The following GSTA3 variants were observed in gnomAD, a reference collection of about 807,000 sequenced individuals.
GSTA3 encodes the protein glutathione S-transferase A3.
A neutral mutation model predicts 23.1 loss-of-function variants in GSTA3; 16 were observed. That is an observed-to-expected ratio of 0.69 (90% confidence interval 0.47 to 1.05). GSTA3 has a LOEUF of 1.05. Among genes scored for constraint, GSTA3 ranks in the 50% least tolerant of loss-of-function variants. GSTA3 has a pLI of 0.00. For synonymous variants in GSTA3, 122 were observed against 91.0 expected (o/e 1.34, Z -1.94); for missense variants, 319 against 263.6 (o/e 1.21, Z -1.46).
intron 1 of GSTA3, among the ~76,000 whole-genome samples, chr6:52,906,144 T>C (rs1451484754): frequency 1.3e-5 from 2 of 152,224 alleles, no homozygotes; most frequent in African/African-American, 4.8e-5. Context: ...TCCAACCTAG[T>C]TGGTGACTTC....
chr6:52,903,666 T>A lies in GSTA3; in HGVS notation c.139+10A>T, dbSNP rs748740435. 2 of 1,489,606 alleles carry A rather than the reference T, an allele frequency of 1.3e-6. No individual in the cohort carries two copies. Among genetic ancestry groups the A allele is most frequent in the East Asian group, 2.3e-5 (1 of 44,194 alleles). 92.3% of individuals were successfully genotyped at this position (1,489,606 alleles called of 1,614,324 possible). A position where few individuals can be genotyped will look rare whatever the true frequency, so the allele number is the denominator to read the frequency against. On this transcript the variant is annotated intron_variant, in intron 3 of 6. Coordinates refer to ENST00000211122, the MANE Select transcript of GSTA3 (RefSeq NM_000847.5). The stretch of plus-strand genomic sequence containing the variant: ...ACCCTCATCAGAGGCACTTAGAGAC[T>A]TGATCTTACCATTTCTTAACTTTCC...
chr6:52,897,693 T>G, intron 6 of GSTA3, 132 bp downstream of exon 6: 1 of 975,694 alleles, frequency 1.0e-6, no homozygotes, highest in East Asian at 2.4e-5. Flanking sequence ...TGGAAGCTCA[T>G]TTTGGAGACC....
chr6:52,907,930 G>T (rs2608613), intron 1 of GSTA3, among the ~76,000 whole-genome samples: 27,915 of 150,918 alleles, frequency 0.18, 4,857 homozygotes, highest in African/African-American at 0.41. Context: ...CATATGTAAC[G>T]AACCTGCACA....
At chr6:52,903,781 G>T in intron 2 of GSTA3, 54 bp from the exon 3 acceptor site, 1 of 1,055,728 alleles carries the variant, frequency 9.5e-7, no homozygotes, top group Non-Finnish European at 1.5e-6. Flanking sequence ...TAGCATTACA[G>T]ACTTGTGACC....
intron 1 of GSTA3, among the ~76,000 whole-genome samples, chr6:52,909,108 A>T (rs569243638): frequency 4.4e-4 from 67 of 152,336 alleles, no homozygotes; most frequent in Non-Finnish European, 8.2e-4. Flanking sequence ...CAATGATGGA[A>T]GTGTAAATTT....
At chr6:52,898,394 A>G (rs554473069) in intron 5 of GSTA3, among the ~76,000 whole-genome samples, 4 of 152,222 alleles carry the variant, frequency 2.6e-5, no homozygotes, top group Admixed American at 2.6e-4. Context: ...GGAGTAGACT[A>G]TTTCAGAGTC....
chr6:52,909,079 A>G (rs1765985485), intron 1 of GSTA3, among the ~76,000 whole-genome samples: 1 of 152,226 alleles, frequency 6.6e-6, no homozygotes, highest in Non-Finnish European at 1.5e-5. Flanking sequence ...TATAAGCAGT[A>G]AACTAATCTG....
At position 52,899,917 on chromosome 6, in the gene GSTA3, T is replaced by C. The variant is rs746959068; in HGVS notation, c.414+17A>G. 20 of 1,613,856 alleles carry C rather than the reference T, an allele frequency of 1.2e-5. 1 individual carries two copies. In the South Asian group the frequency reaches 2.2e-4, roughly 18 times the overall value. ...CTCTAAACTCAGTGCCCCAAAATGC[T>C]GAACAGCTTCACCTACTTTTTCGAA... On this transcript the variant is annotated intron_variant, in intron 5 of 6. Transcript: ENST00000211122.
At position 52,896,931 on chromosome 6, in the gene GSTA3, G is replaced by A. The variant is rs1359862594; in HGVS notation, c.547-3C>T. ...TTGCTGATTCTGGTTTTCAGGGCCTGTAATTCACAAAGCACAGCCTCAGAG... is the reference window on the plus strand; with the variant it reads ...TTGCTGATTCTGGTTTTCAGGGCCTATAATTCACAAAGCACAGCCTCAGAG... On this transcript the variant is annotated splice_region_variant and splice_polypyrimidine_tract_variant and intron_variant, in intron 6 of 6. Coordinates refer to ENST00000211122, the MANE Select transcript of GSTA3 (RefSeq NM_000847.5). 5 of 1,613,790 alleles carry A rather than the reference G, an allele frequency of 3.1e-6. No homozygotes were observed. The highest frequency in any genetic ancestry group is 3.4e-6 in the Non-Finnish European group (4 of 1,179,816).
At chr6:52,901,253 A>G (rs1030049157) in intron 4 of GSTA3, among the ~76,000 whole-genome samples, 2 of 152,182 alleles carry the variant, frequency 1.3e-5, no homozygotes, top group African/African-American at 4.8e-5. Flanking sequence ...TGATAAGGAC[A>G]TCTGTACCCA....
chr6:52,906,352 G>C (rs1275383059), intron 1 of GSTA3, among the ~76,000 whole-genome samples: 2 of 152,150 alleles, frequency 1.3e-5, no homozygotes, highest in African/African-American at 4.8e-5. Flanking sequence ...TAGGTCTTCT[G>C]ACATTCAGAC....
In GSTA3 at chr6:52,897,894, G is replaced by T. The variant is rs767551955; in HGVS notation, c.477C>A (p.Ser159Arg). The T allele has an allele frequency of 9.9e-6, 16 of 1,613,818 alleles. No individual in the cohort carries two copies. In the Admixed American group the frequency reaches 2.7e-4, roughly 27 times the overall value. ...VGNKLSRADI[S>R]LVELLYYVEE... is the part of the protein sequence containing the mutation. The stretch of plus-strand genomic sequence containing the variant: ...CCACATAGTAGAGAAGTTCCACCAG[G>T]CTAATGTCAGCCCGGCTCAGCTTGT... Residue 159 changes from serine (S) to arginine (R), a missense_variant, in exon 6 of 7, where the codon AGC becomes AGA. Ser to Arg is a moderately radical substitution (Grantham distance 110, BLOSUM62 -1). Coordinates refer to ENST00000211122, the MANE Select transcript of GSTA3 (RefSeq NM_000847.5).
At chr6:52,903,655 C>T (rs368580665) in intron 3 of GSTA3, 21 bp downstream of exon 3, 6 of 1,362,636 alleles carry the variant, frequency 4.4e-6, no homozygotes, top group Non-Finnish European at 5.2e-6. Flanking sequence ...TCATCAGAGG[C>T]ACTTAGAGAC....
intron 4 of GSTA3, among the ~76,000 whole-genome samples, chr6:52,901,647 T>G (rs1275043555): frequency 6.6e-6 from 1 of 152,252 alleles, no homozygotes; most frequent in African/African-American, 2.4e-5. Flanking sequence ...ATATACCTAG[T>G]AGAGGAATTG....
rs45439692 is a variant in GSTA3 at position 52,903,861 on chromosome 6, G to A, written c.88-134C>T. On this transcript the variant is annotated intron_variant, in intron 2 of 6. Transcript: ENST00000211122. ...TCTGAGTTTGGCAGGGGACACAGAA[G>A]AAGCTGGTCATGGCCGCTTGGAAAT... is the stretch of plus-strand genomic sequence containing the variant. The A allele has an allele frequency of 1.1e-3, 703 of 631,442 alleles. 5 individuals are homozygous for A. Among genetic ancestry groups the A allele is most frequent in the African/African-American group, 0.011 (598 of 53,732 alleles). The allele number at this position is 631,442 out of a possible 1,614,324, so 39.1% of individuals were successfully genotyped here.
rs368457261 is a variant in GSTA3 at position 52,900,264 on chromosome 6, CTTTTTTTT to C, written c.273-197_273-190del. On this transcript the variant is annotated intron_variant, in intron 4 of 6. Transcript: ENST00000211122. ...GACGTTTCCTTCTTTCTTTCTTTTT[CTTTTTTTT>C]TTTTTTTTGAGATGGAGTTTCCCTC... Among the ~76,000 whole-genome samples the C allele has an allele frequency of 2.2e-5, 3 of 133,458 alleles. No individual in the cohort carries two copies. The Admixed American group carries it at 2.3e-4, about 10-fold the overall frequency. The allele number at this position is 133,458 out of a possible 152,430, so 87.6% of individuals were successfully genotyped here. A position where few individuals can be genotyped will look rare whatever the true frequency, so the allele number is the denominator to read the frequency against.
intron 4 of GSTA3, among the ~76,000 whole-genome samples, chr6:52,901,971 G>A (rs987340147): frequency 6.6e-6 from 1 of 152,120 alleles, no homozygotes; most frequent in Non-Finnish European, 1.5e-5. Flanking sequence ...CCCTCCCCAG[G>A]CCTTCATCTA....
intron 4 of GSTA3, among the ~76,000 whole-genome samples, chr6:52,900,388 G>C (rs1765637321): frequency 6.6e-6 from 1 of 151,054 alleles, no homozygotes; most frequent in Non-Finnish European, 1.5e-5. Context: ...TCAGCCTCCA[G>C]AGTAGCTGGG....
At chr6:52,898,309 C>T (rs552332111) in intron 5 of GSTA3, among the ~76,000 whole-genome samples, 1 of 152,276 alleles carries the variant, frequency 6.6e-6, no homozygotes, top group Non-Finnish European at 1.5e-5. Flanking sequence ...CAGGATGTGG[C>T]TCTACAATCT....
Sources: gnomAD v4.1 joint callset for allele counts (sites outside exome capture counted in the v4.1 genomes callset) on GRCh38, gnomAD v4.1.1 for gene constraint, MANE v1.5 for transcripts, NCBI Gene and HGNC (gene_info 2026-07-23, HGNC 2026-07-21) for gene names.